The following NRG1 variants were observed in gnomAD, a reference collection of about 807,000 sequenced individuals.
NRG1 encodes neuregulin 1.
A neutral mutation model predicts 63.8 loss-of-function variants in NRG1; 18 were observed. The observed-to-expected ratio is 0.28, with a 90% CI of 0.19 to 0.42. The LOEUF is 0.42. NRG1 is among the 10% of genes least tolerant of loss of function. The pLI is 1.00. For missense variants in NRG1, 762 were observed against 814.7 expected (o/e 0.94, Z 0.79); for synonymous variants, 302 against 301.3 (o/e 1.00, Z -0.02).
intron 1 of NRG1, among the ~76,000 whole-genome samples, chr8:32,353,281 TTTAAA>T (rs1170335064): frequency 1.3e-5 from 2 of 150,490 alleles, no homozygotes; most frequent in Non-Finnish European, 3.0e-5. Flanking sequence ...GTACCTATAA[TTTAAA>T]TAAAATAATA....
chr8:31,725,258 TAC>T (rs1267746903), intron 1 of NRG1, among the ~76,000 whole-genome samples: 1 of 152,200 alleles, frequency 6.6e-6, no homozygotes, highest in African/African-American at 2.4e-5. Context: ...GGATTGCATT[TAC>T]TGAGCTATCT....
At chr8:32,647,951 T>C in intron 5 of NRG1, 1 of 1,614,162 alleles carries the variant, frequency 6.2e-7, no homozygotes, top group Non-Finnish European at 8.5e-7. Context: ...AAATCTGCAT[T>C]GTCCCCATCC....
At chr8:31,699,731 T>C (rs1810446842) in intron 1 of NRG1, among the ~76,000 whole-genome samples, 1 of 152,098 alleles carries the variant, frequency 6.6e-6, no homozygotes, top group Non-Finnish European at 1.5e-5. Flanking sequence ...ATTTTTCACC[T>C]TTTAATTGTC....
chr8:31,750,365 A>T (rs1816327540), intron 1 of NRG1, among the ~76,000 whole-genome samples: 2 of 152,016 alleles, frequency 1.3e-5, no homozygotes, highest in Middle Eastern at 3.4e-3. Context: ...CCACATATGC[A>T]TGTAAATGTT....
chr8:32,246,248 A>C (rs1389526637), intron 1 of NRG1, among the ~76,000 whole-genome samples: 2 of 152,196 alleles, frequency 1.3e-5, no homozygotes, highest in Non-Finnish European at 2.9e-5. Flanking sequence ...AGAAAATAGA[A>C]AGAAGTTTCC....
At chr8:31,712,490 G>T (rs1349201754) in intron 1 of NRG1, among the ~76,000 whole-genome samples, 2 of 151,850 alleles carry the variant, frequency 1.3e-5, no homozygotes, top group Admixed American at 1.3e-4. Context: ...TGATGGTCTC[G>T]ATCTCCTGAC....
At chr8:31,821,030 C>T (rs962071460) in intron 1 of NRG1, among the ~76,000 whole-genome samples, 4 of 152,038 alleles carry the variant, frequency 2.6e-5, no homozygotes, top group African/African-American at 9.7e-5. Context: ...GTAATCTAGC[C>T]CACTTTCCTG....
At chr8:31,977,099 A>G (rs567011378) in intron 1 of NRG1, among the ~76,000 whole-genome samples, 10 of 152,190 alleles carry the variant, frequency 6.6e-5, no homozygotes, top group Non-Finnish European at 1.5e-4. Context: ...GCAAATTACC[A>G]ATGTAATTTC....
chr8:31,735,950 C>T (rs1361969358), intron 1 of NRG1, among the ~76,000 whole-genome samples: 1 of 152,132 alleles, frequency 6.6e-6, no homozygotes, highest in East Asian at 1.9e-4. Flanking sequence ...TTAAAATAAC[C>T]TCACATCTGT....
At chr8:32,480,490 C>CA (rs58182051) in intron 1 of NRG1, among the ~76,000 whole-genome samples, 101,210 of 149,026 alleles carry the variant, frequency 0.68, 34,405 homozygotes, top group East Asian at 0.87. Context: ...AAAACAAAAA[C>CA]AAAAAAAACA....
chr8:32,278,060 T>C (rs1227441931), intron 1 of NRG1, among the ~76,000 whole-genome samples: 1 of 152,240 alleles, frequency 6.6e-6, no homozygotes, highest in Non-Finnish European at 1.5e-5. Flanking sequence ...ACTCCCACTT[T>C]TCTCTCAGGA....
intron 1 of NRG1, among the ~76,000 whole-genome samples, chr8:32,330,955 GT>G (rs1158636312): frequency 6.6e-6 from 1 of 151,950 alleles, no homozygotes; most frequent in African/African-American, 2.4e-5. Flanking sequence ...TGTTTTGTTT[GT>G]TTTGTTTTGT....
intron 1 of NRG1, among the ~76,000 whole-genome samples, chr8:32,517,298 A>C (rs1300130904): frequency 6.6e-6 from 1 of 152,070 alleles, no homozygotes. Flanking sequence ...CTTCTTTTTT[A>C]GGTGTCCATT....
chr8:32,361,278 G>C (rs1431567758), intron 1 of NRG1, among the ~76,000 whole-genome samples: 1 of 152,108 alleles, frequency 6.6e-6, no homozygotes, highest in Non-Finnish European at 1.5e-5. Context: ...TAGAATGTGT[G>C]TTTGGCATTT....
chr8:32,385,668 A>AGGG (rs1438732534), intron 1 of NRG1, among the ~76,000 whole-genome samples: 1 of 152,220 alleles, frequency 6.6e-6, no homozygotes, highest in East Asian at 1.9e-4. Flanking sequence ...AACAGTACCA[A>AGGG]GGGGGATGGT....
intron 1 of NRG1, among the ~76,000 whole-genome samples, chr8:32,559,714 A>G (rs1051724266): frequency 1.3e-5 from 2 of 152,014 alleles, no homozygotes; most frequent in African/African-American, 4.8e-5. Flanking sequence ...TGGTGTTTCA[A>G]GGCCATGCAT....
intron 1 of NRG1, among the ~76,000 whole-genome samples, chr8:32,439,985 G>A (rs1587665874): frequency 6.6e-6 from 1 of 152,210 alleles, no homozygotes; most frequent in Middle Eastern, 3.4e-3. Flanking sequence ...ACCTGAGCAT[G>A]TGTAATTTAT....
chr8:32,596,989 G>A (rs777782728), intron 2 of NRG1, among the ~76,000 whole-genome samples: 17 of 151,604 alleles, frequency 1.1e-4, no homozygotes, highest in Non-Finnish European at 1.8e-4. Context: ...ATGATACTCT[G>A]TTATCATCCC....
chr8:32,485,193 C>G (rs1341137537), intron 1 of NRG1, among the ~76,000 whole-genome samples: 2 of 150,544 alleles, frequency 1.3e-5, no homozygotes, highest in East Asian at 4.0e-4. Context: ...TGGCTCACCG[C>G]AACCTCTGCC....
Sources: allele counts gnomAD v4.1 joint callset (sites outside exome capture counted in the v4.1 genomes callset), GRCh38; gene constraint gnomAD v4.1.1; transcripts MANE v1.5; gene names NCBI Gene and HGNC (gene_info 2026-07-23, HGNC 2026-07-21).